Variants in DENND1A observed in about 807,000 individuals in gnomAD.
The protein encoded by DENND1A is DENN domain containing 1A.
A neutral mutation model predicts 113.7 loss-of-function variants in DENND1A; 51 were observed. That is an observed-to-expected ratio of 0.45 (90% CI 0.36 to 0.57). The LOEUF is 0.57. Ranked by LOEUF, DENND1A falls within the 20% of genes least tolerant of loss-of-function variation. The pLI is 0.00. For synonymous variants in DENND1A, 565 were observed against 570.8 expected (o/e 0.99, Z 0.14); for missense variants, 1,258 against 1,395.9 (o/e 0.90, Z 1.57).
rs569669555 is a variant in DENND1A, at chr9:123,635,294, G to T, written c.619-4818C>A. Among the ~76,000 whole-genome samples the T allele has an allele frequency of 3.9e-5, 6 of 152,254 alleles. No individual in the cohort carries two copies. The South Asian group carries it at 1.2e-3, about 32-fold the overall frequency. ...AGTATTGTTTTAAAGGAAAGAGTGC[G>T]TGTGTGTTGATACACATATACACTC... On this transcript the variant is annotated intron_variant, in intron 9 of 23. Coordinates refer to ENST00000394215, the MANE Select transcript of DENND1A (RefSeq NM_001352964.2).
At chr9:123,544,908 C>T (rs2056552913) in intron 13 of DENND1A, among the ~76,000 whole-genome samples, 1 of 152,114 alleles carries the variant, frequency 6.6e-6, no homozygotes, top group South Asian at 2.1e-4. Context: ...ACCATCCTGG[C>T]TAACACGGTG....
chr9:123,512,820 C>G (rs1264604873), intron 13 of DENND1A, among the ~76,000 whole-genome samples: 1 of 152,192 alleles, frequency 6.6e-6, no homozygotes, highest in Admixed American at 6.5e-5. Flanking sequence ...AATTCCTCTA[C>G]CTCTCTGAGT....
At chr9:123,881,685 C>T (rs1848334491) in intron 1 of DENND1A, among the ~76,000 whole-genome samples, 1 of 152,186 alleles carries the variant, frequency 6.6e-6, no homozygotes, top group African/African-American at 2.4e-5. Context: ...CACGGGGACA[C>T]CAACACATTA....
chr9:123,779,899 G>T (rs1049628733), intron 3 of DENND1A, among the ~76,000 whole-genome samples: 2 of 136,614 alleles, frequency 1.5e-5, no homozygotes, highest in Non-Finnish European at 3.1e-5. Flanking sequence ...GTCTCGCTCT[G>T]TCACCCAGGC....
intron 13 of DENND1A, among the ~76,000 whole-genome samples, chr9:123,531,281 C>T (rs2055274425): frequency 6.6e-6 from 1 of 152,142 alleles, no homozygotes; most frequent in Non-Finnish European, 1.5e-5. Context: ...AAGATCCTCT[C>T]TCCCACTCTG....
At chr9:123,815,993 C>CT (rs1170659580) in intron 2 of DENND1A, among the ~76,000 whole-genome samples, 4,787 of 79,722 alleles carry the variant, frequency 0.06, 642 homozygotes, top group African/African-American at 0.13. Flanking sequence ...AGTGACTGTA[C>CT]TTTTTTTTTT....
intron 13 of DENND1A, among the ~76,000 whole-genome samples, chr9:123,490,865 A>G (rs576641502): frequency 2.0e-5 from 3 of 152,346 alleles, no homozygotes; most frequent in Admixed American, 1.3e-4. Flanking sequence ...GGCACATTGC[A>G]AGTGCTCTGC....
At chr9:123,887,627 T>C (rs1447346510) in intron 1 of DENND1A, among the ~76,000 whole-genome samples, 1 of 150,140 alleles carries the variant, frequency 6.7e-6, no homozygotes, top group Non-Finnish European at 1.5e-5. Context: ...GAGGAGATCG[T>C]CCATGTTGGG....
chr9:123,852,031 C>T (rs1449177388), intron 2 of DENND1A, among the ~76,000 whole-genome samples: 1 of 152,198 alleles, frequency 6.6e-6, no homozygotes. Context: ...TATTTGGGGA[C>T]CGCTATTGAG....
At chr9:123,534,845 G>A (rs1027841843) in intron 13 of DENND1A, among the ~76,000 whole-genome samples, 1 of 152,076 alleles carries the variant, frequency 6.6e-6, no homozygotes, top group African/African-American at 2.4e-5. Context: ...GATCTTGGAC[G>A]CCAAGCCTTT....
intron 6 of DENND1A, among the ~76,000 whole-genome samples, chr9:123,675,018 C>T (rs775364950): frequency 6.6e-6 from 1 of 152,178 alleles, no homozygotes; most frequent in Non-Finnish European, 1.5e-5. Context: ...AATAGATGAA[C>T]AGACCCAAGG....
intron 21 of DENND1A, among the ~76,000 whole-genome samples, chr9:123,395,892 T>A (rs2043104507): frequency 3.9e-5 from 6 of 152,124 alleles, no homozygotes; most frequent in Admixed American, 3.9e-4. Flanking sequence ...CCAGGAAACA[T>A]CTCAGAGCAG....
At chr9:123,724,731 A>C (rs923297203) in intron 5 of DENND1A, among the ~76,000 whole-genome samples, 2 of 152,210 alleles carry the variant, frequency 1.3e-5, no homozygotes, top group Admixed American at 6.5e-5. Context: ...AAAAGGGAGA[A>C]GCAACTCGCC....
intron 5 of DENND1A, among the ~76,000 whole-genome samples, chr9:123,741,820 C>T (rs925283789): frequency 2.6e-5 from 4 of 152,236 alleles, no homozygotes; most frequent in African/African-American, 7.2e-5. Flanking sequence ...CATAGCACAA[C>T]GCTGACAAAA....
At chr9:123,852,903 T>C (rs1482554370) in intron 2 of DENND1A, among the ~76,000 whole-genome samples, 1 of 151,686 alleles carries the variant, frequency 6.6e-6, no homozygotes, top group Non-Finnish European at 1.5e-5. Flanking sequence ...TTGTTTTTCT[T>C]TCTTTTTTTT....
In DENND1A at chr9:123,626,584, G is replaced by A. The variant is rs554279923; in HGVS notation, c.719+3792C>T. Among the ~76,000 whole-genome samples the A allele has an allele frequency of 5.3e-5, 8 of 152,004 alleles. 1 individual carries two copies. Among genetic ancestry groups the A allele is most frequent in the Admixed American group, 5.2e-4 (8 of 15,290 alleles). On this transcript the variant is annotated intron_variant, in intron 10 of 23. Transcript: ENST00000394215. ...TCCCCTCATCTCCTTCCTCCTCTCTGAGTGTCAGTGTCTGCCTCTGCCCAG... is the reference window on the plus strand; with the variant it reads ...TCCCCTCATCTCCTTCCTCCTCTCTAAGTGTCAGTGTCTGCCTCTGCCCAG...
In DENND1A at chr9:123,574,173, CTTTTTTTTT is replaced by C. The variant is rs542615815; in HGVS notation, c.867+8987_867+8995del. Among the ~76,000 whole-genome samples, 346 of 110,124 alleles carry C rather than the reference CTTTTTTTTT, an allele frequency of 3.1e-3. 5 individuals are homozygous for C. The highest frequency in any genetic ancestry group is 0.012 in the African/African-American group (333 of 28,842). 72.2% of individuals were successfully genotyped at this position (110,124 alleles called of 152,430 possible). On this transcript the variant is annotated intron_variant, in intron 12 of 23. Transcript: ENST00000394215. Reference sequence around the variant, plus strand: ...TGCATCTATATTGGTCTGTAGTTGCCTTTTTTTTTTTTTTTTTTGTTTGTAAATTATTTA... The same window carrying C: ...TGCATCTATATTGGTCTGTAGTTGCCTTTTTTTTTGTTTGTAAATTATTTA...
At chr9:123,418,561 C>T (rs574010687) in intron 19 of DENND1A, among the ~76,000 whole-genome samples, 10 of 152,316 alleles carry the variant, frequency 6.6e-5, no homozygotes, top group African/African-American at 1.4e-4. Context: ...GGGTGGAAAA[C>T]GCTCGACGGC....
At chr9:123,694,001 T>A (rs10818856) in intron 5 of DENND1A, among the ~76,000 whole-genome samples, 11,100 of 150,982 alleles carry the variant, frequency 0.074, 542 homozygotes, top group African/African-American at 0.13. Context: ...CTAAATTTTG[T>A]ATTTTTTTTT....
Sources: gnomAD v4.1 joint callset for allele counts (sites outside exome capture counted in the v4.1 genomes callset) on GRCh38, gnomAD v4.1.1 for gene constraint, MANE v1.5 for transcripts, NCBI Gene and HGNC (gene_info 2026-07-23, HGNC 2026-07-21) for gene names.